The following ADAMTS18 variants were observed in gnomAD, a reference collection of about 807,000 sequenced individuals.
ADAMTS18 encodes the protein ADAM metallopeptidase with thrombospondin type 1 motif 18.
A neutral mutation model predicts 165.9 loss-of-function variants in ADAMTS18; 157 were observed. The observed-to-expected ratio is 0.95, with a 90% CI of 0.83 to 1.08. The LOEUF is 1.08. Ranked by LOEUF, ADAMTS18 falls within the 50% of genes least tolerant of loss-of-function variation. The pLI is 0.00. For synonymous variants in ADAMTS18, 782 were observed against 578.2 expected (o/e 1.35, Z -5.06); for missense variants, 2,040 against 1,534.0 (o/e 1.33, Z -5.51).
chr16:77,434,743 G>A lies in ADAMTS18; in HGVS notation c.-48C>T, dbSNP rs1259195569. Reference sequence around the variant, plus strand: ...TGCGGGTGGCCAGACGCGGCAGGCGGAGCGCACGGGCGGCGCGCATTCTTT... The same window carrying A: ...TGCGGGTGGCCAGACGCGGCAGGCGAAGCGCACGGGCGGCGCGCATTCTTT... On this transcript the variant is annotated 5_prime_UTR_variant, in exon 1 of 23. Transcript: ENST00000282849. 2.4e-5 allele frequency: 33 copies of A among 1,368,260 alleles called. No individual in the cohort carries two copies. The highest frequency in any genetic ancestry group is 6.4e-5 in the East Asian group (2 of 31,180). The allele number at this position is 1,368,260 out of a possible 1,614,324, so 84.8% of individuals were successfully genotyped here. A position where few individuals can be genotyped will look rare whatever the true frequency, so the allele number is the denominator to read the frequency against.
At chr16:77,429,109 C>G (rs1186132409) in intron 3 of ADAMTS18, among the ~76,000 whole-genome samples, 2 of 152,140 alleles carry the variant, frequency 1.3e-5, no homozygotes, top group East Asian at 3.9e-4. Flanking sequence ...GAACATAAAC[C>G]ATTCTACCAT....
At chr16:77,296,561 A>C (rs1171145213) in intron 18 of ADAMTS18, among the ~76,000 whole-genome samples, 2 of 152,182 alleles carry the variant, frequency 1.3e-5, no homozygotes, top group Non-Finnish European at 2.9e-5. Context: ...AAAAGAAAAA[A>C]GCACCTCACG....
In ADAMTS18 at chr16:77,295,027, C is replaced by T. The variant is rs557578112; in HGVS notation, c.2902G>A (p.Glu968Lys). 2.1e-4 allele frequency: 339 copies of T among 1,614,172 alleles called. 5 individuals are homozygous for T. The South Asian group carries it at 3.6e-3, about 17-fold the overall frequency. ...CVQKKPFQKEEAVLHSLCPVS... is the reference protein window; with the variant it reads ...CVQKKPFQKEKAVLHSLCPVS... ...GGACAGAGAGAATGCAACACTGCTT[C>T]CTCCTTTTGGAAGGGCTTCTTTTGC... The change falls in exon 19 of 23, where the codon GAA becomes AAA. Residue 968 changes from glutamate (E) to lysine (K), a missense_variant. Transcript: ENST00000282849.
Position 77,367,554 on chromosome 16 carries a change from C to T in ADAMTS18, c.665G>A (p.Arg222Gln), listed in dbSNP as rs141770789. Residue 222 changes from arginine to glutamine, a missense_variant, in exon 4 of 23, where the codon CGG becomes CAG. By Grantham distance (43) the Arg-to-Gln change is conservative. Transcript: ENST00000282849. ...ACTTGGGGAGTAACCAGGATAATTCCGGCCAGAGCCGGGGTAGCCACGGTA... is the reference window on the plus strand; with the variant it reads ...ACTTGGGGAGTAACCAGGATAATTCTGGCCAGAGCCGGGGTAGCCACGGTA... ...QRYRGYPGSG[R>Q]NYPGYSPSHI... 1.9e-6 allele frequency: 3 copies of T among 1,614,198 alleles called. No individual in the cohort carries two copies. Among genetic ancestry groups the T allele is most frequent in the Non-Finnish European group, 8.5e-7 (1 of 1,180,046 alleles).
At chr16:77,390,627 T>C (rs931229902) in intron 3 of ADAMTS18, among the ~76,000 whole-genome samples, 1 of 151,388 alleles carries the variant, frequency 6.6e-6, no homozygotes, top group Non-Finnish European at 1.5e-5. Context: ...CAGACGGAGG[T>C]TGCAGTGAGT....
rs1407394056 is a variant in ADAMTS18 at position 77,291,459 on chromosome 16, A to G, written c.3209T>C (p.Leu1070Ser). Residue 1070 changes from leucine (L) to serine (S), a missense_variant, in exon 21 of 23, where the codon TTG becomes TCG. Transcript: ENST00000282849. ...SWSECSATCG[L>S]GVRKREMKCS... ...CTTCATCTCCCTCTTCCTCACACCC[A>G]AACCACAGGTTGCAGAACACTAGGA... is the stretch of plus-strand genomic sequence containing the variant. 1 of 1,614,012 alleles carries G rather than the reference A, an allele frequency of 6.2e-7. No homozygotes were observed. Among genetic ancestry groups the G allele is most frequent in the Non-Finnish European group, 8.5e-7 (1 of 1,180,014 alleles).
chr16:77,321,309 C>T (rs757501452), intron 14 of ADAMTS18, 107 bp from the exon 15 acceptor site: 7 of 1,443,836 alleles, frequency 4.8e-6, no homozygotes, highest in Non-Finnish European at 6.7e-6. Flanking sequence ...ATTAGGGAAG[C>T]AGTACAGCTT....
rs1463988767 is a variant in ADAMTS18 at position 77,282,793 on chromosome 16, C to A, written c.*1163G>T. 1 of 152,206 alleles carries A rather than the reference C, an allele frequency of 6.6e-6. No individual in the cohort carries two copies. Among genetic ancestry groups the A allele is most frequent in the African/African-American group, 2.4e-5 (1 of 41,302 alleles). 9.4% of individuals were successfully genotyped at this position (152,206 alleles called of 1,614,324 possible). A position where few individuals can be genotyped will look rare whatever the true frequency, so the allele number is the denominator to read the frequency against. On this transcript the variant is annotated 3_prime_UTR_variant, in exon 23 of 23. Transcript: ENST00000282849. ...CCTACCAACAGCTGGCTTCTGATGA[C>A]TGAAAATACTCTTATTCAGTGAGGG... is the stretch of plus-strand genomic sequence containing the variant.
intron 4 of ADAMTS18, among the ~76,000 whole-genome samples, chr16:77,365,792 C>T (rs915648914): frequency 1.3e-5 from 2 of 152,172 alleles, no homozygotes; most frequent in Non-Finnish European, 2.9e-5. Context: ...AAACTAGCTC[C>T]CTACAGAGTA....
chr16:77,429,808 C>T (rs1469602207), intron 3 of ADAMTS18, among the ~76,000 whole-genome samples: 2 of 152,034 alleles, frequency 1.3e-5, no homozygotes, highest in East Asian at 3.8e-4. Flanking sequence ...GAAATTATTC[C>T]CTGCCAGGAA....
chr16:77,370,220 G>A (rs2056856814), intron 3 of ADAMTS18, among the ~76,000 whole-genome samples: 1 of 152,158 alleles, frequency 6.6e-6, no homozygotes, highest in African/African-American at 2.4e-5. Context: ...ACATAGTACT[G>A]GAAGTCCTGG....
intron 3 of ADAMTS18, among the ~76,000 whole-genome samples, chr16:77,401,412 GGAT>G (rs1218824363): frequency 6.6e-6 from 1 of 152,178 alleles, no homozygotes; most frequent in Non-Finnish European, 1.5e-5. Flanking sequence ...CCTTTGAAAT[GGAT>G]GATATTACTG....
At chr16:77,395,034 G>A (rs1202130089) in intron 3 of ADAMTS18, among the ~76,000 whole-genome samples, 1 of 152,156 alleles carries the variant, frequency 6.6e-6, no homozygotes, top group Non-Finnish European at 1.5e-5. Flanking sequence ...GTGGGACTAT[G>A]GATGATCTTC....
At chr16:77,422,096 C>T (rs1017340184) in intron 3 of ADAMTS18, among the ~76,000 whole-genome samples, 1 of 151,970 alleles carries the variant, frequency 6.6e-6, no homozygotes, top group Non-Finnish European at 1.5e-5. Flanking sequence ...ACTATGCAGC[C>T]CTCAGTTTGC....
At position 77,334,258 on chromosome 16, in the gene ADAMTS18, A is replaced by T. The variant is rs1299202595; in HGVS notation, c.1859+1498T>A. Among the ~76,000 whole-genome samples the T allele has an allele frequency of 2.3e-4, 11 of 46,948 alleles. 1 individual carries two copies. Among genetic ancestry groups the T allele is most frequent in the Admixed American group, 1.8e-3 (7 of 3,970 alleles). 30.8% of individuals were successfully genotyped at this position (46,948 alleles called of 152,430 possible). ...TATATAGTGTTATATATTACATATA[A>T]TATATAGTGTTATATATTATATATA... On this transcript the variant is annotated intron_variant, in intron 12 of 22. Transcript: ENST00000282849.
chr16:77,296,668 C>T (rs914209567), intron 18 of ADAMTS18, among the ~76,000 whole-genome samples: 10 of 152,008 alleles, frequency 6.6e-5, no homozygotes, highest in Non-Finnish European at 1.3e-4. Context: ...AAAAATACAA[C>T]AATTAGCTAG....
chr16:77,339,303 G>C (rs2056362415), intron 11 of ADAMTS18, among the ~76,000 whole-genome samples: 1 of 152,066 alleles, frequency 6.6e-6, no homozygotes, highest in Non-Finnish European at 1.5e-5. Flanking sequence ...TCTGTTGAGG[G>C]TGACATTACA....
intron 11 of ADAMTS18, 150 bp downstream of exon 11, chr16:77,341,554 G>A (rs924896423): frequency 4.3e-6 from 3 of 703,138 alleles, no homozygotes; most frequent in Non-Finnish European, 7.5e-6. Context: ...ATTAAGCTTT[G>A]TAATTGCTGC....
At chr16:77,333,499 A>AAT (rs1358614674) in intron 12 of ADAMTS18, among the ~76,000 whole-genome samples, 9 of 151,608 alleles carry the variant, frequency 5.9e-5, no homozygotes, top group Non-Finnish European at 1.3e-4. Flanking sequence ...TACCAAAAAA[A>AAT]AAAAAATAAA....
Sources: allele counts gnomAD v4.1 joint callset (sites outside exome capture counted in the v4.1 genomes callset), GRCh38; gene constraint gnomAD v4.1.1; transcripts MANE v1.5; gene names NCBI Gene and HGNC (gene_info 2026-07-23, HGNC 2026-07-21).